Variants in APBA2 observed in about 807,000 individuals in gnomAD.
APBA2 encodes the protein amyloid-beta A4 precursor protein-binding family A member 2.
APBA2 carries 30 observed loss-of-function variants against 75.0 expected under a neutral mutation model. That is an observed-to-expected ratio of 0.40 (90% CI 0.30 to 0.54). The LOEUF is 0.54. Ranked by LOEUF, APBA2 falls within the 20% of genes least tolerant of loss-of-function variation. The pLI, the probability that APBA2 is intolerant of heterozygous loss-of-function variation, is 0.49. For missense variants in APBA2, 801 were observed against 1,016.1 expected (o/e 0.79, Z 2.88); for synonymous variants, 444 against 409.6 (o/e 1.08, Z -1.01).
At chr15:29,017,692 C>T (rs1595738485) in intron 3 of APBA2, among the ~76,000 whole-genome samples, 1 of 152,046 alleles carries the variant, frequency 6.6e-6, no homozygotes, top group Non-Finnish European at 1.5e-5. Context: ...TCTTTCCGTT[C>T]TGTTTTCTGG....
rs751041721 is a variant in APBA2, at chr15:29,098,500, G to A, written c.1262G>A (p.Gly421Glu). 4 of 1,613,956 alleles carry A rather than the reference G, an allele frequency of 2.5e-6. No homozygotes were observed. The South Asian group carries it at 3.3e-5, about 13-fold the overall frequency. ...AKIKKKANSE[G>E]DAQTLTEVDL... is the part of the protein sequence containing the mutation. The stretch of plus-strand genomic sequence containing the variant: ...CACTGTCCTTCTTAGAATTCTGAGG[G>A]GGATGCCCAGACGCTGACGGAAGTG... The change falls in exon 9 of 15, where the codon GGG becomes GAG. Residue 421 changes from glycine (G) to glutamate (E), a missense_variant. By Grantham distance (98) the Gly-to-Glu change is moderately conservative. Around this residue, in one of 2 missense-constraint regions of APBA2, gnomAD observed 367 missense variants for 544.5 expected, o/e 0.67. Coordinates refer to ENST00000683413, the MANE Select transcript of APBA2 (RefSeq NM_001353788.2).
intron 1 of APBA2, among the ~76,000 whole-genome samples, chr15:28,897,148 A>G (rs1219986478): frequency 1.3e-5 from 2 of 151,510 alleles, no homozygotes; most frequent in Non-Finnish European, 2.9e-5. Context: ...CAAGAAAATG[A>G]GAGAACACCC....
intron 6 of APBA2, among the ~76,000 whole-genome samples, chr15:29,087,779 C>T (rs1462694453): frequency 2.0e-5 from 3 of 152,192 alleles, no homozygotes; most frequent in Non-Finnish European, 1.5e-5. Flanking sequence ...GGGGCAGGCT[C>T]TCCTGCTGAT....
At chr15:28,896,176 C>T (rs2032473238) in intron 1 of APBA2, among the ~76,000 whole-genome samples, 1 of 152,138 alleles carries the variant, frequency 6.6e-6, no homozygotes, top group African/African-American at 2.4e-5. Context: ...GTGGAGAGCA[C>T]CTCTGTGAGT....
At position 29,073,379 on chromosome 15, in the gene APBA2, C is replaced by T. The variant is rs539134693; in HGVS notation, c.952-1542C>T. Among the ~76,000 whole-genome samples the T allele has an allele frequency of 2.6e-5, 4 of 152,314 alleles. No homozygotes were observed. In the East Asian group the frequency reaches 5.8e-4, roughly 22 times the overall value. ...TGTAACTTTTTTTTTGAGACTGAAT[C>T]TCACTGTGTTGCCCAGGCTGGAGTG... On this transcript the variant is annotated intron_variant, in intron 4 of 14. Coordinates refer to ENST00000683413, the MANE Select transcript of APBA2 (RefSeq NM_001353788.2).
At chr15:28,940,356 CAAAA>C (rs398043111) in intron 2 of APBA2, among the ~76,000 whole-genome samples, 1,636 of 38,250 alleles carry the variant, frequency 0.043, 16 homozygotes, top group East Asian at 0.19. Flanking sequence ...ACTAAAAATA[CAAAA>C]AAAAAAAAAA....
At chr15:29,073,289 A>G (rs1270896540) in intron 4 of APBA2, among the ~76,000 whole-genome samples, 1 of 152,130 alleles carries the variant, frequency 6.6e-6, no homozygotes, top group African/African-American at 2.4e-5. Context: ...AAGCAGGGGG[A>G]AGAATATTCA....
rs1442942995 is a variant in APBA2 at position 29,108,341 on chromosome 15, G to C, written c.1989G>C (p.Lys663Asn). 1.2e-6 allele frequency: 2 copies of C among 1,614,082 alleles called. No individual in the cohort carries two copies. Among genetic ancestry groups the C allele is most frequent in the Non-Finnish European group, 1.7e-6 (2 of 1,180,014 alleles). Residue 663 changes from lysine to asparagine, a missense_variant, in exon 13 of 15, where the codon AAG becomes AAC. Around this residue, in one of 2 missense-constraint regions of APBA2, gnomAD observed 367 missense variants for 544.5 expected, o/e 0.67. Coordinates refer to ENST00000683413, the MANE Select transcript of APBA2 (RefSeq NM_001353788.2). Reference protein sequence around the residue: ...SCPPVTTVLIKRPDLKYQLGF... With the variant: ...SCPPVTTVLINRPDLKYQLGF... ...CCCCGGTCACCACGGTCCTTATCAAGCGGCCAGACCTCAAGTACCAGCTGG... is the reference window on the plus strand; with the variant it reads ...CCCCGGTCACCACGGTCCTTATCAACCGGCCAGACCTCAAGTACCAGCTGG...
intron 6 of APBA2, 40 bp downstream of exon 6, chr15:29,076,131 A>G: frequency 3.7e-6 from 6 of 1,604,346 alleles, no homozygotes; most frequent in Non-Finnish European, 5.1e-6. Flanking sequence ...GGGCAGTTGC[A>G]TTTTACATCA....
rs185288585 is a variant in APBA2 at position 29,044,752 on chromosome 15, A to T, written c.-40-9093A>T. Among the ~76,000 whole-genome samples the T allele has an allele frequency of 1.1e-3, 171 of 152,336 alleles. 1 individual carries two copies. The highest frequency in any genetic ancestry group is 3.4e-3 in the Middle Eastern group (1 of 294). ...AACAGAATAAACAGCATTACTTATT[A>T]TGCAAAACCAGGACATAATGTGGGT... On this transcript the variant is annotated intron_variant, in intron 3 of 14. Transcript: ENST00000683413.
chr15:28,916,044 T>A (rs1429149759), intron 1 of APBA2, among the ~76,000 whole-genome samples: 1 of 152,208 alleles, frequency 6.6e-6, no homozygotes, highest in African/African-American at 2.4e-5. Context: ...ACTGAATGAT[T>A]GTTTTCCCCA....
intron 1 of APBA2, among the ~76,000 whole-genome samples, chr15:28,907,680 G>A (rs2033200458): frequency 6.6e-6 from 1 of 152,220 alleles, no homozygotes; most frequent in Non-Finnish European, 1.5e-5. Flanking sequence ...CTTGGGAAGT[G>A]TAGAGCTTGC....
At chr15:28,926,362 A>G in intron 2 of APBA2, among the ~76,000 whole-genome samples, 1 of 152,144 alleles carries the variant, frequency 6.6e-6, no homozygotes, top group East Asian at 1.9e-4. Context: ...TACAATATGT[A>G]TTTCAAAATA....
chr15:29,008,495 C>T (rs1356236860), intron 3 of APBA2, among the ~76,000 whole-genome samples: 2 of 151,966 alleles, frequency 1.3e-5, no homozygotes, highest in Non-Finnish European at 2.9e-5. Flanking sequence ...GCATAGATGG[C>T]AGGATCACTT....
intron 1 of APBA2, among the ~76,000 whole-genome samples, chr15:28,906,054 C>T (rs1418886371): frequency 6.6e-6 from 1 of 151,794 alleles, no homozygotes; most frequent in African/African-American, 2.4e-5. Flanking sequence ...TTTTACTTGT[C>T]TTTTACACAA....
At chr15:28,984,309 T>A (rs940674613) in intron 2 of APBA2, among the ~76,000 whole-genome samples, 9 of 152,114 alleles carry the variant, frequency 5.9e-5, no homozygotes, top group African/African-American at 1.9e-4. Context: ...TGTTTCCCAC[T>A]GAGTACCTGC....
intron 4 of APBA2, among the ~76,000 whole-genome samples, chr15:29,056,277 A>T (rs2041881567): frequency 1.3e-5 from 2 of 152,114 alleles, no homozygotes; most frequent in African/African-American, 4.8e-5. Context: ...GAGGTAAATG[A>T]GTGGGAATGA....
At chr15:28,997,719 A>G (rs997356233) in intron 3 of APBA2, among the ~76,000 whole-genome samples, 1 of 152,180 alleles carries the variant, frequency 6.6e-6, no homozygotes, top group African/African-American at 2.4e-5. Flanking sequence ...GGGTGGTTCT[A>G]TTTATGCCTG....
intron 1 of APBA2, chr15:28,919,305 T>G (rs1194192573): frequency 6.6e-6 from 1 of 152,204 alleles, no homozygotes; most frequent in Non-Finnish European, 1.5e-5. Flanking sequence ...TGCTGGGCAC[T>G]GCGACACACA....
Sources: gnomAD v4.1 joint callset for allele counts (sites outside exome capture counted in the v4.1 genomes callset) on GRCh38, gnomAD v4.1.1 for gene constraint, gnomAD v4.1.1 regional missense constraint, MANE v1.5 for transcripts, NCBI Gene and HGNC (gene_info 2026-07-23, HGNC 2026-07-21) for gene names.